The following CPNE4 variants were observed in gnomAD, a reference collection of about 807,000 sequenced individuals.
The protein encoded by CPNE4 is copine-4.
In CPNE4, 25 loss-of-function variants were observed where a neutral mutation model predicts 67.9. The ratio of observed to expected loss-of-function variants is 0.37; its 90% CI spans 0.27 to 0.51. The LOEUF (loss-of-function observed/expected upper bound fraction) is 0.51. Ranked by LOEUF, CPNE4 falls within the 20% of genes least tolerant of loss-of-function variation. The pLI is 0.93. For missense variants in CPNE4, 464 were observed against 690.8 expected, an observed-to-expected ratio of 0.67 and a Z score of 3.68; for synonymous variants, 242 against 244.9, an observed-to-expected ratio of 0.99 and a Z score of 0.11.
At chr3:131,789,607 A>T (rs1013592166) in intron 2 of CPNE4, among the ~76,000 whole-genome samples, 1 of 152,204 alleles carries the variant, frequency 6.6e-6, no homozygotes, top group African/African-American at 2.4e-5. Flanking sequence ...ATACCAGTAC[A>T]TGCTGCACAC....
intron 1 of CPNE4, among the ~76,000 whole-genome samples, chr3:132,006,576 CTT>C (rs1336223588): frequency 1.3e-5 from 2 of 152,210 alleles, no homozygotes; most frequent in Non-Finnish European, 2.9e-5. Flanking sequence ...AACTCGAAAT[CTT>C]CTGTTGCCTG....
intron 2 of CPNE4, among the ~76,000 whole-genome samples, chr3:131,846,592 G>A (rs1484805380): frequency 1.3e-5 from 2 of 152,104 alleles, no homozygotes; most frequent in Admixed American, 1.3e-4. Context: ...CTCAGGAAGT[G>A]GATAAAGGTA....
At chr3:131,581,802 C>A (rs1201104063) in intron 8 of CPNE4, 137 bp from the exon 9 acceptor site, 3 of 654,628 alleles carry the variant, frequency 4.6e-6, no homozygotes, top group Non-Finnish European at 8.3e-6. Context: ...ACTCTTGCAT[C>A]TAGAGGAGCA....
In CPNE4 at chr3:131,906,470, G is replaced by C. The variant is rs370135195; in HGVS notation, c.-1-1026C>G. Among the ~76,000 whole-genome samples, 9 of 135,692 alleles carry C rather than the reference G, an allele frequency of 6.6e-5. No individual in the cohort carries two copies. In the East Asian group the frequency reaches 1.7e-3, roughly 26 times the overall value. The allele number at this position is 135,692 out of a possible 152,430, so 89.0% of individuals were successfully genotyped here. On this transcript the variant is annotated intron_variant, in intron 1 of 15. Transcript: ENST00000429747. ...CTTCCTGTGTCCATGTGTTCTCATT[G>C]TTCAGTTCCCACCTGAGTGAGAACA...
chr3:131,629,172 T>C (rs191697015), intron 7 of CPNE4, among the ~76,000 whole-genome samples: 3 of 152,304 alleles, frequency 2.0e-5, no homozygotes, highest in Admixed American at 6.5e-5. Flanking sequence ...ATCACGAGAA[T>C]AGCACGGGAA....
intron 2 of CPNE4, among the ~76,000 whole-genome samples, chr3:131,847,453 T>C (rs546529950): frequency 2.8e-4 from 43 of 152,318 alleles, no homozygotes; most frequent in African/African-American, 1.0e-3. Flanking sequence ...TAAATGAATG[T>C]ATTATTGGCC....
intron 15 of CPNE4, among the ~76,000 whole-genome samples, chr3:131,541,546 C>A (rs1407771295): frequency 6.6e-6 from 1 of 151,802 alleles, no homozygotes; most frequent in East Asian, 1.9e-4. Flanking sequence ...CGATTTCTGG[C>A]CCACAGAGAG....
At chr3:131,686,481 G>A (rs980995482) in intron 5 of CPNE4, among the ~76,000 whole-genome samples, 1 of 152,156 alleles carries the variant, frequency 6.6e-6, no homozygotes, top group African/African-American at 2.4e-5. Flanking sequence ...AGATTATGAA[G>A]GTTTTTACAT....
At chr3:131,833,624 A>G (rs550278551) in intron 2 of CPNE4, among the ~76,000 whole-genome samples, 16 of 152,328 alleles carry the variant, frequency 1.1e-4, no homozygotes, top group Admixed American at 7.2e-4. Context: ...ACCTGAGCCC[A>G]GGAGGTCAAG....
intron 2 of CPNE4, among the ~76,000 whole-genome samples, chr3:131,754,974 G>A (rs891713429): frequency 1.3e-5 from 2 of 152,016 alleles, no homozygotes; most frequent in Non-Finnish European, 2.9e-5. Context: ...GCTTAAATAT[G>A]GAACAGGAAA....
intron 7 of CPNE4, among the ~76,000 whole-genome samples, chr3:131,593,185 T>C (rs962088332): frequency 1.3e-5 from 2 of 152,238 alleles, no homozygotes; most frequent in Non-Finnish European, 2.9e-5. Flanking sequence ...GATTGCTTTT[T>C]CCATTTCTGT....
chr3:131,938,046 T>C (rs1456237183), intron 1 of CPNE4, among the ~76,000 whole-genome samples: 1 of 152,094 alleles, frequency 6.6e-6, no homozygotes, highest in East Asian at 1.9e-4. Flanking sequence ...AAGAGCTGAA[T>C]TGTAAAAGTG....
At chr3:131,861,929 G>C (rs148999684) in intron 2 of CPNE4, among the ~76,000 whole-genome samples, 1 of 152,160 alleles carries the variant, frequency 6.6e-6, no homozygotes, top group African/African-American at 2.4e-5. Flanking sequence ...AATAGTAAAA[G>C]AGGGAGTTAC....
chr3:131,951,761 C>G (rs1373748488), intron 1 of CPNE4, among the ~76,000 whole-genome samples: 6 of 152,170 alleles, frequency 3.9e-5, no homozygotes, highest in Non-Finnish European at 8.8e-5. Context: ...GATGGGGTTT[C>G]GCTGTGTTGG....
intron 1 of CPNE4, among the ~76,000 whole-genome samples, chr3:132,011,329 G>A (rs2073756462): frequency 6.6e-6 from 1 of 152,164 alleles, no homozygotes; most frequent in Admixed American, 6.5e-5. Context: ...AACTACATAT[G>A]GAAAACAAGT....
chr3:132,005,598 A>G (rs1477086414), intron 1 of CPNE4, among the ~76,000 whole-genome samples: 1 of 151,722 alleles, frequency 6.6e-6, no homozygotes, highest in Non-Finnish European at 1.5e-5. Flanking sequence ...CCACAGGGAA[A>G]CCACTTTGCA....
chr3:131,739,337 C>T (rs892813846), intron 2 of CPNE4, among the ~76,000 whole-genome samples: 7 of 152,200 alleles, frequency 4.6e-5, no homozygotes, highest in African/African-American at 1.4e-4. Context: ...AATCCTACAC[C>T]TGCCTACCCT....
chr3:131,903,227 CA>C (rs1315371403), intron 2 of CPNE4, among the ~76,000 whole-genome samples: 2 of 152,000 alleles, frequency 1.3e-5, no homozygotes, highest in African/African-American at 4.8e-5. Flanking sequence ...CCAAGGGATC[CA>C]AAACAGGTCT....
At chr3:131,669,131 C>A (rs1007576188) in intron 7 of CPNE4, among the ~76,000 whole-genome samples, 1 of 152,032 alleles carries the variant, frequency 6.6e-6, no homozygotes, top group Non-Finnish European at 1.5e-5. Flanking sequence ...AGCCATATGG[C>A]CCCACCCCTT....
Sources: gnomAD v4.1 joint callset for allele counts (sites outside exome capture counted in the v4.1 genomes callset) on GRCh38, gnomAD v4.1.1 for gene constraint, MANE v1.5 for transcripts, NCBI Gene and HGNC (gene_info 2026-07-23, HGNC 2026-07-21) for gene names.